Variants in RGS6 observed in about 807,000 individuals in gnomAD.
RGS6 encodes the protein regulator of G protein signaling 6.
Under a neutral mutation model 78.5 loss-of-function variants are expected in RGS6, and 30 were observed. The observed-to-expected ratio is 0.38, with a 90% CI of 0.29 to 0.52. The LOEUF (loss-of-function observed/expected upper bound fraction) is 0.52, where lower values mean the gene tolerates loss of function less well. Among genes scored for constraint, RGS6 ranks in the 20% least tolerant of loss-of-function variants. The pLI, the probability that RGS6 is intolerant of heterozygous loss-of-function variation, is 0.85. For missense variants in RGS6, 495 were observed against 609.7 expected (o/e 0.81, Z 1.98); for synonymous variants, 206 against 206.0 (o/e 1.00, Z 0.00).
At chr14:72,075,831 T>G (rs2094554380) in intron 2 of RGS6, among the ~76,000 whole-genome samples, 1 of 152,200 alleles carries the variant, frequency 6.6e-6, no homozygotes, top group African/African-American at 2.4e-5. Context: ...AGTGTCAGTG[T>G]TGGAAATGGC....
chr14:72,133,259 C>G (rs2096366553), intron 2 of RGS6, among the ~76,000 whole-genome samples: 1 of 152,066 alleles, frequency 6.6e-6, no homozygotes, highest in African/African-American at 2.4e-5. Flanking sequence ...CCTTGCCTTG[C>G]TCCTCCACAT....
chr14:72,185,126 A>G (rs1284880234), intron 2 of RGS6, among the ~76,000 whole-genome samples: 2 of 152,168 alleles, frequency 1.3e-5, no homozygotes, highest in Non-Finnish European at 2.9e-5. Context: ...CCAGCGTGGG[A>G]GAAAAATAAA....
intron 2 of RGS6, among the ~76,000 whole-genome samples, chr14:72,287,192 ATTAG>A (rs1428144690): frequency 6.6e-6 from 1 of 152,308 alleles, no homozygotes; most frequent in Admixed American, 6.5e-5. Flanking sequence ...GAATTTATTT[ATTAG>A]TTCTAACAGT....
intron 2 of RGS6, among the ~76,000 whole-genome samples, chr14:72,152,127 A>C (rs187698075): frequency 5.9e-5 from 9 of 152,318 alleles, no homozygotes; most frequent in Admixed American, 5.9e-4. Context: ...TGGTCTAAAA[A>C]TGATAAAACT....
intron 17 of RGS6, chr14:72,547,262 A>G (rs1172256386): frequency 6.5e-7 from 1 of 1,535,666 alleles, no homozygotes; most frequent in Non-Finnish European, 8.7e-7. Flanking sequence ...CAGCACTGCC[A>G]ATGTCACGGT....
At chr14:72,034,302 G>A (rs1250776302) in intron 2 of RGS6, among the ~76,000 whole-genome samples, 1 of 151,900 alleles carries the variant, frequency 6.6e-6, no homozygotes, top group Non-Finnish European at 1.5e-5. Flanking sequence ...GTTAGCTGTG[G>A]GATTTTCATA....
chr14:72,287,476 A>C (rs2062780526), intron 2 of RGS6, among the ~76,000 whole-genome samples: 1 of 151,910 alleles, frequency 6.6e-6, no homozygotes, highest in African/African-American at 2.4e-5. Flanking sequence ...TATTTTTTTG[A>C]GACAGAGTCT....
At chr14:72,075,714 A>C (rs563908879) in intron 2 of RGS6, among the ~76,000 whole-genome samples, 3 of 152,184 alleles carry the variant, frequency 2.0e-5, no homozygotes, top group African/African-American at 7.2e-5. Flanking sequence ...TTCTCTCTCT[A>C]TATTCATACA....
the RGS6 span, among the ~76,000 whole-genome samples, chr14:72,590,839 A>C: frequency 6.6e-6 from 1 of 152,234 alleles, no homozygotes; most frequent in Non-Finnish European, 1.5e-5. Flanking sequence ...CCAGAAGAAA[A>C]GACCAGAAGG....
chr14:72,334,461 C>T (rs1368107905), intron 2 of RGS6, among the ~76,000 whole-genome samples: 1 of 152,206 alleles, frequency 6.6e-6, no homozygotes, highest in Non-Finnish European at 1.5e-5. Context: ...ATTTCTTCAC[C>T]CCTCCCCCAT....
intron 2 of RGS6, among the ~76,000 whole-genome samples, chr14:72,033,204 T>TA (rs915872769): frequency 1.3e-5 from 2 of 152,126 alleles, no homozygotes; most frequent in African/African-American, 2.4e-5. Flanking sequence ...GTACCAATAG[T>TA]AAAAAACAAA....
chr14:72,585,325 A>G, the RGS6 span, among the ~76,000 whole-genome samples: 1 of 152,222 alleles, frequency 6.6e-6, no homozygotes, highest in Non-Finnish European at 1.5e-5. Context: ...TCAAGCCAGG[A>G]GGATAGACAT....
chr14:72,315,669 G>A (rs1039921631), intron 2 of RGS6, among the ~76,000 whole-genome samples: 12 of 152,116 alleles, frequency 7.9e-5, no homozygotes, highest in South Asian at 2.1e-4. Context: ...TGTGCCAGGC[G>A]CCAGATTAGG....
At chr14:72,578,197 C>T in the RGS6 span, among the ~76,000 whole-genome samples, 1 of 152,200 alleles carries the variant, frequency 6.6e-6, no homozygotes, top group Admixed American at 6.5e-5. Flanking sequence ...AAGGAATGCT[C>T]TTAGACTTTT....
chr14:72,562,686 C>A lies in RGS6; in HGVS notation c.*219C>A. On this transcript the variant is annotated 3_prime_UTR_variant, in exon 18 of 18. Transcript: ENST00000553525. ...CCTGGGCTGGGCCCGGTGGAGGCTCCTGTTTACAGCCCTCTCTTCTTTGTA... is the reference window on the plus strand; with the variant it reads ...CCTGGGCTGGGCCCGGTGGAGGCTCATGTTTACAGCCCTCTCTTCTTTGTA... 6.5e-7 allele frequency: 1 copy of A among 1,536,144 alleles called. No homozygotes were observed. The highest frequency in any genetic ancestry group is 8.7e-7 in the Non-Finnish European group (1 of 1,146,912).
intron 2 of RGS6, among the ~76,000 whole-genome samples, chr14:72,262,093 T>G (rs1214624029): frequency 6.6e-6 from 1 of 152,188 alleles, no homozygotes; most frequent in Non-Finnish European, 1.5e-5. Context: ...GTTCCAGTTT[T>G]TGGAAGGCAG....
chr14:72,581,766 C>T, the RGS6 span, among the ~76,000 whole-genome samples: 1 of 152,248 alleles, frequency 6.6e-6, no homozygotes, highest in Admixed American at 6.5e-5. Flanking sequence ...CCCCAAGAGC[C>T]TTCTCTCTCT....
intron 3 of RGS6, among the ~76,000 whole-genome samples, chr14:72,451,722 C>A (rs932089698): frequency 2.0e-5 from 3 of 152,120 alleles, no homozygotes; most frequent in African/African-American, 7.2e-5. Context: ...CAGGAAACCT[C>A]ACAGTTTCTA....
intron 2 of RGS6, among the ~76,000 whole-genome samples, chr14:72,130,156 A>G (rs927819469): frequency 1.3e-5 from 2 of 152,224 alleles, no homozygotes; most frequent in African/African-American, 4.8e-5. Flanking sequence ...ACAGTTTATT[A>G]TAAATGATAC....
Sources: gnomAD v4.1 joint callset for allele counts (sites outside exome capture counted in the v4.1 genomes callset) on GRCh38, gnomAD v4.1.1 for gene constraint, MANE v1.5 for transcripts, NCBI Gene and HGNC (gene_info 2026-07-23, HGNC 2026-07-21) for gene names.